Variants in CARD8 observed in about 807,000 individuals in gnomAD.
CARD8 encodes caspase recruitment domain-containing protein 8.
CARD8 carries 38 observed loss-of-function variants against 53.2 expected under a neutral mutation model. The observed-to-expected ratio is 0.71, with a 90% CI of 0.55 to 0.94. CARD8 has a LOEUF of 0.94. Ranked by LOEUF, CARD8 falls within the 40% of genes least tolerant of loss-of-function variation. The pLI, the probability that CARD8 is intolerant of heterozygous loss-of-function variation, is 0.00. For missense variants in CARD8, 561 were observed against 655.5 expected, an observed-to-expected ratio of 0.86 and a Z score of 1.57; for synonymous variants, 245 against 244.9, an observed-to-expected ratio of 1.00 and a Z score of 0.00.
At chr19:48,216,181 T>C (rs567913808) in intron 12 of CARD8, among the ~76,000 whole-genome samples, 11 of 152,242 alleles carry the variant, frequency 7.2e-5, no homozygotes, top group African/African-American at 2.6e-4. Context: ...AAAAATCTTT[T>C]TTAAATAAAA....
chr19:48,253,751 T>C (rs2047228288), intron 1 of CARD8, among the ~76,000 whole-genome samples: 1 of 152,238 alleles, frequency 6.6e-6, no homozygotes, highest in Admixed American at 6.5e-5. Flanking sequence ...ATTTTGTGTA[T>C]ACATATTCAC....
intron 10 of CARD8, 37 bp from the exon 11 acceptor site, chr19:48,221,892 A>G: frequency 6.5e-7 from 1 of 1,539,548 alleles, no homozygotes; most frequent in South Asian, 1.2e-5. Context: ...GAGAGCACAA[A>G]AAATAGTAAA....
At chr19:48,224,413 A>C (rs1050620613) in intron 10 of CARD8, among the ~76,000 whole-genome samples, 7 of 152,206 alleles carry the variant, frequency 4.6e-5, no homozygotes, top group African/African-American at 1.2e-4. Context: ...ATTGTCTTCC[A>C]AATCTGTGTA....
Position 48,211,517 on chromosome 19 carries a change from T to C in CARD8, c.*193A>G. The C allele has an allele frequency of 1.7e-6, 1 of 579,578 alleles. No individual in the cohort carries two copies. 35.9% of individuals were successfully genotyped at this position (579,578 alleles called of 1,614,324 possible). On this transcript the variant is annotated 3_prime_UTR_variant, in exon 14 of 14. Coordinates refer to ENST00000651546, the MANE Select transcript of CARD8 (RefSeq NM_001184900.3). The stretch of plus-strand genomic sequence containing the variant: ...GGAATATTACTACCTTCTTCAGACA[T>C]TCTTGAGGAAAATGCATGAGGATAC...
At position 48,221,825 on chromosome 19, in the gene CARD8, C is replaced by G. The variant is rs151036070; in HGVS notation, c.1066G>C (p.Gly356Arg). 4.5e-4 allele frequency: 722 copies of G among 1,606,104 alleles called. 4 individuals carry two copies. The African/African-American group carries it at 8.7e-3, about 19-fold the overall frequency. ...GGGGGCGAAGTCTGCAGGCGCACAC[C>G]ATGGAAGCGATCTTCCTCATCATCT... Reference protein sequence around the residue: ...AIDDEEDRFHGVRLQTSPPME... With the variant: ...AIDDEEDRFHRVRLQTSPPME... The change falls in exon 11 of 14, where the codon GGT becomes CGT. Residue 356 changes from glycine to arginine, a missense_variant. Coordinates refer to ENST00000651546, the MANE Select transcript of CARD8 (RefSeq NM_001184900.3).
At chr19:48,225,797 A>G (rs1210827655) in intron 10 of CARD8, among the ~76,000 whole-genome samples, 2 of 152,122 alleles carry the variant, frequency 1.3e-5, no homozygotes, top group African/African-American at 4.8e-5. Context: ...TCACACCTGT[A>G]ATCTCAGCAC....
At chr19:48,243,918 T>C (rs910854078) in intron 3 of CARD8, among the ~76,000 whole-genome samples, 1 of 152,272 alleles carries the variant, frequency 6.6e-6, no homozygotes, top group African/African-American at 2.4e-5. Flanking sequence ...TGGCTAACTT[T>C]CTATAGGATT....
intron 13 of CARD8, among the ~76,000 whole-genome samples, chr19:48,212,416 A>G (rs915540479): frequency 1.3e-5 from 2 of 152,270 alleles, no homozygotes; most frequent in African/African-American, 2.4e-5. Flanking sequence ...CAGAGCTATG[A>G]AAGAAGAGAT....
intron 3 of CARD8, among the ~76,000 whole-genome samples, chr19:48,243,872 T>C (rs2045653411): frequency 6.6e-6 from 1 of 152,188 alleles, no homozygotes; most frequent in Non-Finnish European, 1.5e-5. Context: ...TGGAATTTTT[T>C]CCTTATAAGA....
chr19:48,221,689 A>G, intron 11 of CARD8, 41 bp downstream of exon 11: 3 of 1,434,316 alleles, frequency 2.1e-6, no homozygotes, highest in Non-Finnish European at 2.8e-6. Flanking sequence ...GAAATATAAA[A>G]CACTCTGAAA....
At chr19:48,224,639 G>T (rs1031072937) in intron 10 of CARD8, among the ~76,000 whole-genome samples, 1 of 151,976 alleles carries the variant, frequency 6.6e-6, no homozygotes, top group East Asian at 1.9e-4. Flanking sequence ...TGAAGAAGAG[G>T]TTTCTCCTCT....
chr19:48,214,643 C>CGA (rs2038822080), intron 13 of CARD8, among the ~76,000 whole-genome samples: 1 of 152,114 alleles, frequency 6.6e-6, no homozygotes, highest in Non-Finnish European at 1.5e-5. Flanking sequence ...GGATGCAAGA[C>CGA]CCCGGAAGTG....
chr19:48,245,971 A>G (rs6509368), intron 3 of CARD8, among the ~76,000 whole-genome samples: 94,749 of 151,238 alleles, frequency 0.63, 30,310 homozygotes, highest in African/African-American at 0.76. Context: ...TTAGCATATC[A>G]TACCATTACT....
intron 10 of CARD8, among the ~76,000 whole-genome samples, chr19:48,227,863 C>G (rs1336866665): frequency 6.6e-6 from 1 of 151,764 alleles, no homozygotes; most frequent in East Asian, 1.9e-4. Context: ...TATGGTGTCG[C>G]AGGATCATAT....
At chr19:48,215,586 G>GAA (rs942098356) in intron 12 of CARD8, among the ~76,000 whole-genome samples, 1 of 152,202 alleles carries the variant, frequency 6.6e-6, no homozygotes, top group South Asian at 2.1e-4. Context: ...ATCGGAGGAA[G>GAA]AAACACATTT....
At chr19:48,230,028 G>A (rs373596729) in intron 10 of CARD8, among the ~76,000 whole-genome samples, 24 of 152,174 alleles carry the variant, frequency 1.6e-4, no homozygotes, top group East Asian at 7.7e-4. Flanking sequence ...CAGGAGAATC[G>A]CTTGAACCCG....
At chr19:48,212,049 G>A in intron 13 of CARD8, 74 bp from the exon 14 acceptor site, 2 of 1,443,416 alleles carry the variant, frequency 1.4e-6, no homozygotes, top group Non-Finnish European at 1.9e-6. Context: ...CAAGCTTAGA[G>A]TCAAAATTCA....
At chr19:48,233,144 A>G (rs150352725) in intron 6 of CARD8, 1 of 354,882 alleles carries the variant, frequency 2.8e-6, no homozygotes, top group Non-Finnish European at 5.5e-6. Context: ...AGGTGGCACC[A>G]AAGCATCGGC....
At position 48,252,808 on chromosome 19, in the gene CARD8, T is replaced by TATATATATATAC. The variant is rs113740488; in HGVS notation, c.-251-2962_-251-2961insGTATATATATAT. Among the ~76,000 whole-genome samples, 73 of 148,298 alleles carry TATATATATATAC rather than the reference T, an allele frequency of 4.9e-4. 1 individual carries two copies. Among genetic ancestry groups the TATATATATATAC allele is most frequent in the African/African-American group, 1.4e-3 (58 of 40,210 alleles). ...CCACCGCACTGGCCTTATCAGTATA[T>TATATATATATAC]ACACACACACACACACACACACACA... On this transcript the variant is annotated intron_variant, in intron 1 of 13. Transcript: ENST00000651546.
Sources: allele counts gnomAD v4.1 joint callset (sites outside exome capture counted in the v4.1 genomes callset), GRCh38; gene constraint gnomAD v4.1.1; transcripts MANE v1.5; gene names NCBI Gene and HGNC (gene_info 2026-07-23, HGNC 2026-07-21).